The following REXO5 variants were observed in gnomAD, a reference collection of about 807,000 sequenced individuals.
REXO5 encodes the protein exonuclease NEF-sp.
REXO5 carries 48 observed loss-of-function variants against 88.5 expected under a neutral mutation model. That is an observed-to-expected ratio of 0.54 (90% CI 0.43 to 0.69). The LOEUF is 0.69. REXO5 is among the 30% of genes least tolerant of loss of function. The pLI, the probability that REXO5 is intolerant of heterozygous loss-of-function variation, is 0.00. For synonymous variants in REXO5, 311 were observed against 336.5 expected (o/e 0.92, Z 0.83); for missense variants, 749 against 912.2 (o/e 0.82, Z 2.30).
chr16:20,846,080 G>A, intron 18 of REXO5, 141 bp from the exon 19 acceptor site: 1 of 694,176 alleles, frequency 1.4e-6, no homozygotes. Context: ...TGCAGTGTGG[G>A]CTCCAGTGTT....
chr16:20,841,604 T>A (rs1336595900), intron 15 of REXO5, among the ~76,000 whole-genome samples: 1 of 152,174 alleles, frequency 6.6e-6, no homozygotes, highest in East Asian at 1.9e-4. Flanking sequence ...TCTAAATTTT[T>A]TAATTTAATT....
chr16:20,836,633 G>A (rs970010591), intron 13 of REXO5, among the ~76,000 whole-genome samples: 1 of 152,088 alleles, frequency 6.6e-6, no homozygotes, highest in Non-Finnish European at 1.5e-5. Context: ...AAACACATTT[G>A]GGCAAATACC....
intron 5 of REXO5, among the ~76,000 whole-genome samples, chr16:20,821,530 G>A (rs912266313): frequency 1.3e-5 from 2 of 152,102 alleles, no homozygotes; most frequent in African/African-American, 2.4e-5. Flanking sequence ...TCCTGACCTC[G>A]TGATCTGCCT....
At chr16:20,820,526 ATATATATATATATATATATTTTTTTT>A (rs2081156407) in intron 5 of REXO5, among the ~76,000 whole-genome samples, 1 of 5,840 alleles carries the variant, frequency 1.7e-4, no homozygotes, top group Admixed American at 3.2e-3. Flanking sequence ...ATATATATAT[ATATATATATATATATATATTTTTTTT>A]TTTTTTTTTT....
At position 20,806,974 on chromosome 16, in the gene REXO5, G is replaced by A; in HGVS notation, c.21G>A (p.Gly7=). 6 of 1,596,394 alleles carry A rather than the reference G, an allele frequency of 3.8e-6. No individual in the cohort carries two copies. Among genetic ancestry groups the A allele is most frequent in the Non-Finnish European group, 5.1e-6 (6 of 1,171,278 alleles). The part of the protein sequence containing the change: MEPERE[G]TERHPRKVRE... Reference sequence around the variant, plus strand: ...CAGCCATGGAGCCAGAGAGGGAAGGGACCGAGAGACACCCCAGGAAGGTCA... The same window carrying A: ...CAGCCATGGAGCCAGAGAGGGAAGGAACCGAGAGACACCCCAGGAAGGTCA... The change falls in exon 2 of 20, where the codon GGG becomes GGA. Residue 7 remains glycine, a synonymous_variant. Coordinates refer to ENST00000261377, the MANE Select transcript of REXO5 (RefSeq NM_030941.3).
chr16:20,823,510 TA>T (rs1173695451), intron 6 of REXO5: 1 of 152,224 alleles, frequency 6.6e-6, no homozygotes, highest in East Asian at 1.9e-4. Flanking sequence ...TGCTAACACC[TA>T]TAAAACACCA....
intron 2 of REXO5, among the ~76,000 whole-genome samples, chr16:20,811,224 G>A (rs768687547): frequency 2.0e-5 from 3 of 152,210 alleles, no homozygotes; most frequent in Non-Finnish European, 4.4e-5. Flanking sequence ...GTTACTCACC[G>A]CCATATAGAC....
At chr16:20,816,826 C>CCCA in intron 5 of REXO5, among the ~76,000 whole-genome samples, 2 of 152,212 alleles carry the variant, frequency 1.3e-5, no homozygotes, top group African/African-American at 4.8e-5. Flanking sequence ...GGTCTTTGTA[C>CCCA]CCACCAGTGT....
At chr16:20,813,365 A>G in intron 3 of REXO5, 63 bp downstream of exon 3, 1 of 715,706 alleles carries the variant, frequency 1.4e-6, no homozygotes, top group Non-Finnish European at 2.1e-6. Context: ...TTTTTTTTTT[A>G]CCTCTCCCAA....
At chr16:20,806,740 G>A in intron 1 of REXO5, 35 bp downstream of exon 1, 1 of 1,002,746 alleles carries the variant, frequency 1.0e-6, no homozygotes, top group Non-Finnish European at 1.4e-6. Flanking sequence ...GTTTGGGTTA[G>A]AGCGGCGCGG....
Position 20,846,741 on chromosome 16 carries a change from A to G in REXO5, c.2243+402A>G, listed in dbSNP as rs191069842. On this transcript the variant is annotated intron_variant, in intron 19 of 19. Coordinates refer to ENST00000261377, the MANE Select transcript of REXO5 (RefSeq NM_030941.3). Reference sequence around the variant, plus strand: ...TTTTCCCCATTGACACCTATGTTTTAAGAGATAACAGGGCCTGGTTTGCTG... The same window carrying G: ...TTTTCCCCATTGACACCTATGTTTTGAGAGATAACAGGGCCTGGTTTGCTG... Among the ~76,000 whole-genome samples, 291 of 152,290 alleles carry G rather than the reference A, an allele frequency of 1.9e-3. 2 individuals are homozygous for G. The highest frequency in any genetic ancestry group is 0.014 in the Middle Eastern group (4 of 294).
chr16:20,841,171 T>C (rs1375913831), intron 15 of REXO5, among the ~76,000 whole-genome samples: 2 of 152,182 alleles, frequency 1.3e-5, no homozygotes, highest in Non-Finnish European at 2.9e-5. Flanking sequence ...AGTTTTACTT[T>C]AACAAAAATA....
chr16:20,842,352 G>A (rs1038711432), intron 15 of REXO5, among the ~76,000 whole-genome samples: 1 of 152,056 alleles, frequency 6.6e-6, no homozygotes, highest in Admixed American at 6.5e-5. Context: ...GTTCATTCAT[G>A]TTGTAGCATG....
rs1413839576 is a variant in REXO5, at chr16:20,815,025, T to C, written c.350T>C (p.Phe117Ser). 7 of 1,613,390 alleles carry C rather than the reference T, an allele frequency of 4.3e-6. No individual in the cohort carries two copies. The East Asian group carries it at 8.9e-5, about 21-fold the overall frequency. ...QLHFYRFYLEFGCLRKAFRHK... is the reference protein window; with the variant it reads ...QLHFYRFYLESGCLRKAFRHK... ...CACTTTTACAGGTTCTATTTGGAGT[T>C]TGGATGTCTTCGAAAAGCATTCAGA... is the stretch of plus-strand genomic sequence containing the variant. Residue 117 changes from phenylalanine to serine, a missense_variant, in exon 4 of 20, where the codon TTT (phenylalanine) becomes TCT (serine). Phe to Ser is a radical substitution (Grantham distance 155). Transcript: ENST00000261377.
chr16:20,847,936 A>G (rs910057124), intron 19 of REXO5, among the ~76,000 whole-genome samples: 1 of 152,250 alleles, frequency 6.6e-6, no homozygotes, highest in South Asian at 2.1e-4. Flanking sequence ...CAGAGGGTGA[A>G]GCCAGAGGAG....
intron 3 of REXO5, among the ~76,000 whole-genome samples, chr16:20,813,633 G>T (rs2081037040): frequency 6.6e-6 from 1 of 152,088 alleles, no homozygotes. Flanking sequence ...TACCTGGCCT[G>T]CTTCCCATAT....
At chr16:20,825,554 G>GAT (rs1474249288) in intron 7 of REXO5, 5 of 304,826 alleles carry the variant, frequency 1.6e-5, no homozygotes, top group Non-Finnish European at 3.0e-5. Flanking sequence ...CATAATACTG[G>GAT]ATATAGTACA....
chr16:20,822,050 C>T lies in REXO5; in HGVS notation c.616+148C>T, dbSNP rs899395788. ...TCTATTAATGAGGAAATATCTTCGG[C>T]ACAGTGTATCTCAAAAGTGTGTGAT... On this transcript the variant is annotated intron_variant, in intron 6 of 19. Transcript: ENST00000261377. The T allele has an allele frequency of 8.7e-6, 7 of 800,020 alleles. No individual in the cohort carries two copies. In the Admixed American group the frequency reaches 2.2e-4, roughly 25 times the overall value. 49.6% of individuals were successfully genotyped at this position (800,020 alleles called of 1,614,324 possible).
intron 19 of REXO5, among the ~76,000 whole-genome samples, chr16:20,847,116 A>T (rs2081618707): frequency 6.6e-6 from 1 of 152,074 alleles, no homozygotes; most frequent in Non-Finnish European, 1.5e-5. Context: ...GTCCCTTGAG[A>T]TTCTGACATC....
Sources: gnomAD v4.1 joint callset for allele counts (sites outside exome capture counted in the v4.1 genomes callset) on GRCh38, gnomAD v4.1.1 for gene constraint, MANE v1.5 for transcripts, NCBI Gene and HGNC (gene_info 2026-07-23, HGNC 2026-07-21) for gene names.